CBX2: variants seen among roughly 807,000 people sequenced by gnomAD.
The protein encoded by CBX2 is chromobox protein homolog 2.
A neutral mutation model predicts 21.0 loss-of-function variants in CBX2; 11 were observed. The ratio of observed to expected loss-of-function variants is 0.52; its 90% CI spans 0.33 to 0.87. The LOEUF (loss-of-function observed/expected upper bound fraction) is 0.87, where lower values mean the gene tolerates loss of function less well. CBX2 is among the 40% of genes least tolerant of loss of function. The probability of loss-of-function intolerance (pLI) is 0.02; values close to 1 mark genes in which losing one functional copy is unlikely to be tolerated. For synonymous variants in CBX2, 364 were observed against 304.6 expected (o/e 1.19, Z -2.03); for missense variants, 746 against 724.3 (o/e 1.03, Z -0.34).
chr17:79,781,720 C>G lies in CBX2; in HGVS notation c.207C>G (p.Asn69Lys). The G allele has an allele frequency of 6.2e-7, 1 of 1,613,982 alleles. No homozygotes were observed. Among genetic ancestry groups the G allele is most frequent in the Non-Finnish European group, 8.5e-7 (1 of 1,179,972 alleles). Residue 69 changes from asparagine to lysine, a missense_variant, in exon 4 of 5, where the codon AAC becomes AAG. Transcript: ENST00000310942. ...QKKEHEKEVQ[N>K]RKRGKRPRGR... ...GGGAACATGAGAAGGAGGTGCAGAA[C>G]CGGAAGAGAGGCAAGAGGCCGAGAG...
intron 3 of CBX2, 174 bp downstream of exon 3, chr17:79,779,601 G>A: frequency 1.6e-6 from 1 of 643,678 alleles, no homozygotes; most frequent in Non-Finnish European, 2.8e-6. Context: ...TCCCCAGCCA[G>A]CCCCTCTCCC....
chr17:79,781,700 C>T lies in CBX2; in HGVS notation c.187C>T (p.His63Tyr). The stretch of plus-strand genomic sequence containing the variant: ...TAACTAGTGGTGTGCCTTCAGGGAA[C>T]ATGAGAAGGAGGTGCAGAACCGGAA... ...RLLLAFQKKE[H>Y]EKEVQNRKRG... The change falls in exon 4 of 5, where the codon CAT becomes TAT. Residue 63 changes from histidine to tyrosine, a missense_variant. Transcript: ENST00000310942. 1 of 1,613,432 alleles carries T rather than the reference C, an allele frequency of 6.2e-7. No individual in the cohort carries two copies. Among genetic ancestry groups the T allele is most frequent in the East Asian group, 2.2e-5 (1 of 44,864 alleles).
At chr17:79,781,846 C>T (rs1204081031) in intron 4 of CBX2, 45 bp downstream of exon 4, 6 of 1,613,968 alleles carry the variant, frequency 3.7e-6, no homozygotes, top group African/African-American at 1.3e-5. Context: ...CCCAGCACCC[C>T]CTTGGCGTAG....
rs1307443284 is a variant in CBX2, at chr17:79,784,416, G to A, written c.973G>A (p.Gly325Arg). The change falls in exon 5 of 5, where the codon GGG becomes AGG. Residue 325 changes from glycine (G) to arginine (R), a missense_variant. Physicochemically the swap from Gly to Arg is moderately radical, Grantham distance 125. This residue lies in a region of CBX2 where 701 missense variants were observed against 650.7 expected (regional missense o/e 1.08). Coordinates refer to ENST00000310942, the MANE Select transcript of CBX2 (RefSeq NM_005189.3). This position sits in a 1 kb window ranked among gnomAD's most constrained non-coding sequence, Gnocchi z 5.9. ...GAVEQKVGNT[G>R]GPPHTHGASR... Reference sequence around the variant, plus strand: ...TGTGGAGCAGAAAGTGGGGAACACAGGGGGCCCCCCGCACACCCATGGTGC... The same window carrying A: ...TGTGGAGCAGAAAGTGGGGAACACAAGGGGCCCCCCGCACACCCATGGTGC... The A allele has an allele frequency of 3.1e-6, 5 of 1,611,708 alleles. No homozygotes were observed. The African/African-American group carries it at 4.0e-5, about 13-fold the overall frequency.
Position 79,778,771 on chromosome 17 carries a change from C to T in CBX2, c.116+344C>T, listed in dbSNP as rs1166344405. On this transcript the variant is annotated intron_variant, in intron 2 of 4. Transcript: ENST00000310942. This position sits in a 1 kb window ranked among gnomAD's most constrained non-coding sequence, Gnocchi z 4.8. ...CAGATTCTCCCCGCTGTAACCTGAG[C>T]TTGCTATTGATGGATGTAGAGTTTC... 1.3e-5 allele frequency among the ~76,000 whole-genome samples: 2 copies of T among 152,226 alleles called. No homozygotes were observed. The highest frequency in any genetic ancestry group is 4.1e-4 in the South Asian group (2 of 4,832).
intron 3 of CBX2, among the ~76,000 whole-genome samples, chr17:79,780,722 C>T (rs1370567909): frequency 3.3e-5 from 5 of 151,414 alleles, no homozygotes; most frequent in African/African-American, 1.2e-4. Context: ...TAGGAGCTGG[C>T]GGTTACCTGC....
rs1907655647 is a variant in CBX2, at chr17:79,786,643, G to A, written c.*1601G>A. 1 of 152,860 alleles carries A rather than the reference G, an allele frequency of 6.5e-6. No homozygotes were observed. Among genetic ancestry groups the A allele is most frequent in the South Asian group, 2.1e-4 (1 of 4,836 alleles). 9.5% of individuals were successfully genotyped at this position (152,860 alleles called of 1,614,324 possible). On this transcript the variant is annotated 3_prime_UTR_variant, in exon 5 of 5. Transcript: ENST00000310942. ...GGTCTTTGTGATGCCAAAAATAAAA[G>A]AGGGTGGGGTGGGTGCTTTCTGTTC...
Position 79,778,476 on chromosome 17 carries a change from GT to G in CBX2, c.116+50del. ...CCCCCTCCCGCCCCCTCGCCCGGGG[GT>G]GGGGACGTGGAGCCCCTCGGCCGCG... On this transcript the variant is annotated intron_variant, in intron 2 of 4. Coordinates refer to ENST00000310942, the MANE Select transcript of CBX2 (RefSeq NM_005189.3). The surrounding 1 kb of genome is among the most constrained non-coding windows in gnomAD (Gnocchi z 4.8). 1 of 1,305,374 alleles carries G rather than the reference GT, an allele frequency of 7.7e-7. No individual in the cohort carries two copies. Among genetic ancestry groups the G allele is most frequent in the Non-Finnish European group, 1.0e-6 (1 of 961,966 alleles). The allele number at this position is 1,305,374 out of a possible 1,614,324, so 80.9% of individuals were successfully genotyped here.
intron 3 of CBX2, among the ~76,000 whole-genome samples, chr17:79,779,985 G>A (rs1196127213): frequency 6.6e-6 from 1 of 152,264 alleles, no homozygotes; most frequent in Non-Finnish European, 1.5e-5. Flanking sequence ...CATGAGGCCG[G>A]ATTGGGCCAG....
chr17:79,781,786 G>A lies in CBX2; in HGVS notation c.273G>A (p.Arg91=), dbSNP rs1907226172. The A allele has an allele frequency of 6.2e-7, 1 of 1,614,130 alleles. No homozygotes were observed. The highest frequency in any genetic ancestry group is 8.5e-7 in the Non-Finnish European group (1 of 1,179,992). ...TCACTGCCATGTCCTCCTGCAGCCGGCGCTCCAAGCTCAAGGTGGGTGGCT... is the reference window on the plus strand; with the variant it reads ...TCACTGCCATGTCCTCCTGCAGCCGACGCTCCAAGCTCAAGGTGGGTGGCT... The part of the protein sequence containing the change: ...RKLTAMSSCS[R]RSKLKEPDAP... The change falls in exon 4 of 5, where the codon CGG becomes CGA. Residue 91 remains arginine (R), a synonymous_variant. Transcript: ENST00000310942.
chr17:79,779,724 A>C, intron 3 of CBX2: 1 of 450,626 alleles, frequency 2.2e-6, no homozygotes, highest in Non-Finnish European at 4.1e-6. Flanking sequence ...GCTTCAGATA[A>C]AGATGTTATA....
chr17:79,783,959 G>A lies in CBX2; in HGVS notation c.516G>A (p.Glu172=), dbSNP rs782557256. The A allele has an allele frequency of 1.9e-6, 3 of 1,613,878 alleles. No individual in the cohort carries two copies. The highest frequency in any genetic ancestry group is 2.2e-5 in the East Asian group (1 of 44,882). ...GGGGACGAAAGCCCCTGCCCCCAGA[G>A]CAAAAGGCAACCCGAAGACCCGTGA... ...KKRGRKPLPP[E]QKATRRPVSL... The change falls in exon 5 of 5, where the codon GAG becomes GAA. Residue 172 remains glutamate (E), a synonymous_variant. Transcript: ENST00000310942.
At position 79,784,913 on chromosome 17, in the gene CBX2, C is replaced by A; in HGVS notation, c.1470C>A (p.Ser490Arg). The change falls in exon 5 of 5, where the codon AGC (serine) becomes AGA (arginine). Residue 490 changes from serine (S) to arginine (R), a missense_variant. Ser to Arg is a moderately radical substitution (Grantham distance 110). This residue lies in a region of CBX2 where 701 missense variants were observed against 650.7 expected (regional missense o/e 1.08). Transcript: ENST00000310942. The surrounding 1 kb of genome is among the most constrained non-coding windows in gnomAD (Gnocchi z 5.9). ...ACCCGTCAGTGTCCGTTCAGACCAG[C>A]CAGGACTGGAAGCCCACCCGCAGCC... ...GQNPSVSVQT[S>R]QDWKPTRSLI... 1.5e-5 allele frequency: 24 copies of A among 1,613,432 alleles called. No homozygotes were observed. Among genetic ancestry groups the A allele is most frequent in the Non-Finnish European group, 2.0e-5 (24 of 1,180,030 alleles).
Position 79,785,216 on chromosome 17 carries a change from C to G in CBX2, c.*174C>G, listed in dbSNP as rs781900205. 2 of 643,552 alleles carry G rather than the reference C, an allele frequency of 3.1e-6. No individual in the cohort carries two copies. The highest frequency in any genetic ancestry group is 1.8e-5 in the African/African-American group (1 of 55,494). 39.9% of individuals were successfully genotyped at this position (643,552 alleles called of 1,614,324 possible). ...ACTTCTCCCGCACCCCACTCTGTCC[C>G]AGGACATAGGGCAGGGGGCCTCACT... On this transcript the variant is annotated 3_prime_UTR_variant, in exon 5 of 5. Transcript: ENST00000310942.
chr17:79,782,046 C>T (rs372910600), intron 4 of CBX2: 83 of 1,613,844 alleles, frequency 5.1e-5, no homozygotes, highest in African/African-American at 1.3e-4. Flanking sequence ...CTGTCCTGCA[C>T]GCCTCTCTGC....
intron 4 of CBX2, chr17:79,782,432 T>A (rs987900206): frequency 5.1e-5 from 67 of 1,302,220 alleles, no homozygotes; most frequent in Admixed American, 3.6e-4. Flanking sequence ...GTAGGGCCCC[T>A]CCCTCCCCTG....
chr17:79,778,331 C>T lies in CBX2; in HGVS notation c.72+24C>T. ...AGGTGCGTGCGGCCCGCCGGGCCCCCCGCCCGCCGCCCGCTGTCCGTCTGG... is the reference window on the plus strand; with the variant it reads ...AGGTGCGTGCGGCCCGCCGGGCCCCTCGCCCGCCGCCCGCTGTCCGTCTGG... On this transcript the variant is annotated intron_variant, in intron 1 of 4. Coordinates refer to ENST00000310942, the MANE Select transcript of CBX2 (RefSeq NM_005189.3). The surrounding 1 kb of genome is among the most constrained non-coding windows in gnomAD (Gnocchi z 4.8). 2.6e-6 allele frequency: 4 copies of T among 1,565,302 alleles called. No individual in the cohort carries two copies. Among genetic ancestry groups the T allele is most frequent in the East Asian group, 2.3e-5 (1 of 42,870 alleles).
chr17:79,786,188 C>A lies in CBX2; in HGVS notation c.*1146C>A, dbSNP rs1452039130. 1 of 152,670 alleles carries A rather than the reference C, an allele frequency of 6.6e-6. No individual in the cohort carries two copies. The highest frequency in any genetic ancestry group is 1.5e-5 in the Non-Finnish European group (1 of 68,134). 9.5% of individuals were successfully genotyped at this position (152,670 alleles called of 1,614,324 possible). The stretch of plus-strand genomic sequence containing the variant: ...TGCTGGCACTTGGGTGTCCATGGGC[C>A]CGTCTGCCGGCTCTGCCTGTGCTGC... On this transcript the variant is annotated 3_prime_UTR_variant, in exon 5 of 5. Coordinates refer to ENST00000310942, the MANE Select transcript of CBX2 (RefSeq NM_005189.3).
intron 4 of CBX2, chr17:79,782,131 G>T: frequency 6.2e-7 from 1 of 1,613,046 alleles, no homozygotes; most frequent in Non-Finnish European, 8.5e-7. Context: ...GAAAGGAACA[G>T]GAAGCATGCG....
Sources: gnomAD v4.1 joint callset for allele counts (sites outside exome capture counted in the v4.1 genomes callset) on GRCh38, gnomAD v4.1.1 for gene constraint, gnomAD v4.1.1 regional missense constraint, Gnocchi (gnomAD v3.1) non-coding constraint, MANE v1.5 for transcripts, NCBI Gene and HGNC (gene_info 2026-07-23, HGNC 2026-07-21) for gene names.